MYO5B: variants seen among roughly 807,000 people sequenced by gnomAD.
The protein encoded by MYO5B is unconventional myosin-Vb.
In MYO5B, 143 loss-of-function variants were observed where a neutral mutation model predicts 229.3. That is an observed-to-expected ratio of 0.62 (90% CI 0.54 to 0.72). The LOEUF (loss-of-function observed/expected upper bound fraction) is 0.72, where lower values mean the gene tolerates loss of function less well. MYO5B is among the 30% of genes least tolerant of loss of function. MYO5B has a pLI of 0.00. For missense variants in MYO5B, 2,321 were observed against 2,331.0 expected, an observed-to-expected ratio of 1.00 and a Z score of 0.09; for synonymous variants, 918 against 885.2, an observed-to-expected ratio of 1.04 and a Z score of -0.66.
chr18:50,172,246 A>C (rs2032929055), intron 1 of MYO5B, among the ~76,000 whole-genome samples: 2 of 144,048 alleles, frequency 1.4e-5, no homozygotes, highest in South Asian at 4.5e-4. Context: ...ACGCCATTGC[A>C]CTCCAGCCTA....
At chr18:50,104,265 G>GATATATATATATATATATATAT (rs3075606) in intron 1 of MYO5B, among the ~76,000 whole-genome samples, 48 of 134,534 alleles carry the variant, frequency 3.6e-4, no homozygotes, top group African/African-American at 1.2e-3. Context: ...ATCTATACAT[G>GATATATATATATATATATATAT]ATATATATAT....
At chr18:49,938,279 T>C (rs1436390784) in intron 14 of MYO5B, among the ~76,000 whole-genome samples, 1 of 152,144 alleles carries the variant, frequency 6.6e-6, no homozygotes, top group Non-Finnish European at 1.5e-5. Context: ...TCTTCATCTG[T>C]AACAAGGTGA....
At chr18:50,102,923 T>C (rs2031683227) in intron 1 of MYO5B, among the ~76,000 whole-genome samples, 1 of 152,040 alleles carries the variant, frequency 6.6e-6, no homozygotes, top group Admixed American at 6.6e-5. Context: ...GGGAGTCCTT[T>C]TTTTTTTCTT....
chr18:49,904,384 C>T (rs1458300486), intron 20 of MYO5B, among the ~76,000 whole-genome samples: 3 of 152,122 alleles, frequency 2.0e-5, no homozygotes, highest in Non-Finnish European at 4.4e-5. Flanking sequence ...AGCAGATGTT[C>T]AATTGTGAAC....
At chr18:49,895,241 G>A (rs1412024914) in intron 21 of MYO5B, 67 bp from the exon 22 acceptor site, 1 of 1,380,648 alleles carries the variant, frequency 7.2e-7, no homozygotes, top group African/African-American at 1.4e-5. Context: ...TATTTTACCA[G>A]GGAAAAAGCA....
chr18:49,882,634 A>AAAAAAAAAAG (rs1459008212), intron 22 of MYO5B, among the ~76,000 whole-genome samples: 96 of 150,720 alleles, frequency 6.4e-4, no homozygotes, highest in African/African-American at 2.3e-3. Context: ...CTCAAAAAAA[A>AAAAAAAAAAG]AAAAAAAGAA....
intron 10 of MYO5B, among the ~76,000 whole-genome samples, chr18:49,972,692 G>A (rs912843716): frequency 1.3e-5 from 2 of 152,162 alleles, no homozygotes; most frequent in Non-Finnish European, 2.9e-5. Context: ...AAAGTAGAGA[G>A]ATCAACACAT....
intron 9 of MYO5B, among the ~76,000 whole-genome samples, 183 bp from the exon 10 acceptor site, chr18:49,974,798 G>GACATACACACAC (rs2025730642): frequency 7.6e-6 from 1 of 130,996 alleles, no homozygotes; most frequent in African/African-American, 2.8e-5. Context: ...CACACACACA[G>GACATACACACAC]ACACACACAC....
intron 17 of MYO5B, among the ~76,000 whole-genome samples, chr18:49,925,497 C>T (rs929136744): frequency 5.9e-5 from 9 of 152,232 alleles, no homozygotes; most frequent in African/African-American, 2.2e-4. Context: ...TCATATTTGG[C>T]TCAGAAGAAA....
intron 29 of MYO5B, among the ~76,000 whole-genome samples, chr18:49,862,858 A>AG (rs1734400071): frequency 6.6e-6 from 1 of 152,088 alleles, no homozygotes; most frequent in Non-Finnish European, 1.5e-5. Flanking sequence ...GCATTGCAGC[A>AG]GATGGCTAAG....
chr18:49,875,451 C>A (rs1168918633), intron 26 of MYO5B, among the ~76,000 whole-genome samples: 1 of 152,110 alleles, frequency 6.6e-6, no homozygotes, highest in African/African-American at 2.4e-5. Flanking sequence ...ACAGACTTCC[C>A]CCTAGCTTCA....
intron 1 of MYO5B, among the ~76,000 whole-genome samples, chr18:50,080,970 T>C (rs538528120): frequency 6.6e-6 from 1 of 152,292 alleles, no homozygotes; most frequent in South Asian, 2.1e-4. Context: ...AATTTCATCA[T>C]TAAGCCAAAA....
intron 25 of MYO5B, among the ~76,000 whole-genome samples, chr18:49,876,652 A>C (rs1568621762): frequency 1.3e-5 from 2 of 152,248 alleles, no homozygotes; most frequent in Non-Finnish European, 2.9e-5. Flanking sequence ...TCACACATAC[A>C]AACACCAGGG....
At chr18:49,962,599 T>C (rs975423541) in intron 11 of MYO5B, among the ~76,000 whole-genome samples, 193 bp from the exon 12 acceptor site, 1 of 152,176 alleles carries the variant, frequency 6.6e-6, no homozygotes, top group Non-Finnish European at 1.5e-5. Flanking sequence ...GGGTGAACAC[T>C]TCCTGGGGGC....
At chr18:49,929,474 G>T in intron 17 of MYO5B, 38 bp downstream of exon 17, 6 of 1,544,830 alleles carry the variant, frequency 3.9e-6, no homozygotes, top group Non-Finnish European at 4.4e-6. Flanking sequence ...GCTGCTCTAG[G>T]GCAGCCCCAG....
At chr18:49,976,090 T>C (rs1430477454) in intron 9 of MYO5B, among the ~76,000 whole-genome samples, 1 of 152,214 alleles carries the variant, frequency 6.6e-6, no homozygotes, top group Non-Finnish European at 1.5e-5. Context: ...CTGGGAAAGC[T>C]GGTAGCCCAG....
chr18:50,193,903 A>G (rs2033262335), intron 1 of MYO5B, among the ~76,000 whole-genome samples: 1 of 152,210 alleles, frequency 6.6e-6, no homozygotes. Flanking sequence ...CTTTAACCAC[A>G]GCAACTGCTG....
At chr18:50,090,009 C>CT (rs1206426777) in intron 1 of MYO5B, among the ~76,000 whole-genome samples, 3 of 152,188 alleles carry the variant, frequency 2.0e-5, no homozygotes, top group Non-Finnish European at 2.9e-5. Flanking sequence ...CTCCTTCAGC[C>CT]TCTCTCTATA....
Position 50,104,282 on chromosome 18 carries a change from A to C in MYO5B, c.28-48904T>G, listed in dbSNP as rs578199059. Among the ~76,000 whole-genome samples, 148 of 144,558 alleles carry C rather than the reference A, an allele frequency of 1.0e-3. 2 individuals carry two copies. The highest frequency in any genetic ancestry group is 1.8e-3 in the Non-Finnish European group (122 of 66,980). The allele number at this position is 144,558 out of a possible 152,430, so 94.8% of individuals were successfully genotyped here. A position where few individuals can be genotyped will look rare whatever the true frequency, so the allele number is the denominator to read the frequency against. ...CTATACATGATATATATATATATAT[A>C]TATATATATCTCATAAATCTCAAAA... is the stretch of plus-strand genomic sequence containing the variant. On this transcript the variant is annotated intron_variant, in intron 1 of 39. Coordinates refer to ENST00000285039, the MANE Select transcript of MYO5B (RefSeq NM_001080467.3).
Sources: gnomAD v4.1 joint callset for allele counts (sites outside exome capture counted in the v4.1 genomes callset) on GRCh38, gnomAD v4.1.1 for gene constraint, MANE v1.5 for transcripts, NCBI Gene and HGNC (gene_info 2026-07-23, HGNC 2026-07-21) for gene names.